Variants in RBM20 observed in about 807,000 individuals in gnomAD.
RBM20 encodes RNA binding motif protein 20.
A neutral mutation model predicts 110.1 loss-of-function variants in RBM20; 51 were observed. The ratio of observed to expected loss-of-function variants is 0.46; its 90% confidence interval spans 0.37 to 0.59. The LOEUF is 0.59. Ranked by LOEUF, RBM20 falls within the 20% of genes least tolerant of loss-of-function variation. The pLI, the probability that RBM20 is intolerant of heterozygous loss-of-function variation, is 0.00. For missense variants in RBM20, 1,512 were observed against 1,574.9 expected, an observed-to-expected ratio of 0.96 and a Z score of 0.68; for synonymous variants, 589 against 618.2, an observed-to-expected ratio of 0.95 and a Z score of 0.70.
chr10:110,797,525 G>C lies in RBM20; in HGVS notation c.1545G>C (p.Gly515=), dbSNP rs1208880928. 3 of 1,551,270 alleles carry C rather than the reference G, an allele frequency of 1.9e-6. No individual in the cohort carries two copies. The African/African-American group carries it at 4.1e-5, about 21-fold the overall frequency. The change falls in exon 6 of 14, where the codon GGG becomes GGC. Residue 515 remains glycine (G), a synonymous_variant. Coordinates refer to ENST00000369519, the MANE Select transcript of RBM20 (RefSeq NM_001134363.3). The part of the protein sequence containing the change: ...SVGTTFAQRK[G]AGRVVHICNL... ...CCCATTAGTTTGCACAGCGGAAAGGGGCTGGCCGTGTGGTGCACATCTGCA... is the reference window on the plus strand; with the variant it reads ...CCCATTAGTTTGCACAGCGGAAAGGCGCTGGCCGTGTGGTGCACATCTGCA...
chr10:110,829,232 A>G (rs1392414620), intron 12 of RBM20, among the ~76,000 whole-genome samples: 2 of 152,240 alleles, frequency 1.3e-5, no homozygotes, highest in Non-Finnish European at 2.9e-5. Context: ...CAACGCAGGA[A>G]GGAGGCAGAC....
At chr10:110,822,084 C>A in intron 11 of RBM20, 149 bp downstream of exon 11, 3 of 834,498 alleles carry the variant, frequency 3.6e-6, no homozygotes. Context: ...GCAACAAAGG[C>A]AAGCCTCTAA....
rs959568356 is a variant in RBM20, at chr10:110,687,286, G to C, written c.191+42641G>C. 6.2e-4 allele frequency among the ~76,000 whole-genome samples: 94 copies of C among 150,816 alleles called. 1 individual carries two copies. Among genetic ancestry groups the C allele is most frequent in the African/African-American group, 2.1e-3 (86 of 41,502 alleles). On this transcript the variant is annotated intron_variant, in intron 1 of 13. Transcript: ENST00000369519. The stretch of plus-strand genomic sequence containing the variant: ...ATCCTTAAAATGTCATAGCTAACTA[G>C]AGGGTTAACATTTTTTAAGTGCTGA...
chr10:110,687,546 G>A (rs960447732), intron 1 of RBM20, among the ~76,000 whole-genome samples: 3 of 152,262 alleles, frequency 2.0e-5, no homozygotes, highest in African/African-American at 7.2e-5. Flanking sequence ...ATTAACTCCA[G>A]TCTGATGGTA....
chr10:110,783,642 A>T (rs1380684040), intron 3 of RBM20, among the ~76,000 whole-genome samples: 2 of 152,236 alleles, frequency 1.3e-5, no homozygotes, highest in African/African-American at 4.8e-5. Flanking sequence ...GGTAAATGCT[A>T]GGCAGAAAAC....
At chr10:110,671,891 C>G (rs1234979227) in intron 1 of RBM20, among the ~76,000 whole-genome samples, 1 of 152,088 alleles carries the variant, frequency 6.6e-6, no homozygotes, top group Non-Finnish European at 1.5e-5. Context: ...TGTAGGAATT[C>G]TTTTTCAGCT....
At chr10:110,745,318 CCAGGCG>C (rs1485882604) in intron 1 of RBM20, among the ~76,000 whole-genome samples, 4 of 152,176 alleles carry the variant, frequency 2.6e-5, no homozygotes, top group African/African-American at 7.2e-5. Flanking sequence ...GGCTGCATTT[CCAGGCG>C]CCTGCTGGGT....
chr10:110,742,323 T>C (rs1355594241), intron 1 of RBM20, among the ~76,000 whole-genome samples: 2 of 152,230 alleles, frequency 1.3e-5, no homozygotes, highest in Non-Finnish European at 2.9e-5. Context: ...AGCCATTTCT[T>C]TCTTAGCTCC....
chr10:110,807,915 G>A (rs745622546), intron 7 of RBM20, among the ~76,000 whole-genome samples: 1 of 152,200 alleles, frequency 6.6e-6, no homozygotes, highest in Non-Finnish European at 1.5e-5. Context: ...CCACAGATTT[G>A]GGAGGGACCC....
intron 5 of RBM20, among the ~76,000 whole-genome samples, chr10:110,791,715 G>A (rs926541369): frequency 2.0e-5 from 3 of 152,188 alleles, no homozygotes; most frequent in African/African-American, 7.2e-5. Flanking sequence ...AAAATGCACA[G>A]CCCAGGCCCC....
intron 9 of RBM20, among the ~76,000 whole-genome samples, chr10:110,818,259 C>T (rs946645320): frequency 1.4e-5 from 2 of 146,560 alleles, no homozygotes; most frequent in African/African-American, 5.0e-5. Context: ...CCATTGCACT[C>T]CAGCCTGGGC....
At chr10:110,767,537 CGG>C (rs1430370908) in intron 1 of RBM20, among the ~76,000 whole-genome samples, 2 of 143,844 alleles carry the variant, frequency 1.4e-5, no homozygotes, top group Non-Finnish European at 3.0e-5. Context: ...TCAGACGGGG[CGG>C]CTGCCGGGCG....
chr10:110,772,715 A>T (rs1043907322), intron 1 of RBM20, among the ~76,000 whole-genome samples: 1 of 152,222 alleles, frequency 6.6e-6, no homozygotes, highest in Non-Finnish European at 1.5e-5. Context: ...GCAGCACATG[A>T]CTGTATATAT....
At chr10:110,780,750 GC>G in intron 1 of RBM20, 50 bp from the exon 2 acceptor site, 2 of 1,466,900 alleles carry the variant, frequency 1.4e-6, no homozygotes, top group Middle Eastern at 1.8e-4. Context: ...ACAGCCCCTT[GC>G]CCCCCTCATT....
Position 110,739,819 on chromosome 10 carries a change from G to T in RBM20, c.192-40982G>T, listed in dbSNP as rs377233760. 6.6e-6 allele frequency among the ~76,000 whole-genome samples: 1 copy of T among 152,174 alleles called. No individual in the cohort carries two copies. The highest frequency in any genetic ancestry group is 1.5e-5 in the Non-Finnish European group (1 of 68,026). On this transcript the variant is annotated intron_variant, in intron 1 of 13. Coordinates refer to ENST00000369519, the MANE Select transcript of RBM20 (RefSeq NM_001134363.3). This position sits in a 1 kb window ranked among gnomAD's most constrained non-coding sequence, Gnocchi z 4.1. ...GGCCTGAGTATTGGGTGATTGTTGC[G>T]GTCATGAAGGCATGAGGCTTCTGTG...
intron 1 of RBM20, among the ~76,000 whole-genome samples, chr10:110,659,461 A>G (rs985608774): frequency 6.6e-6 from 1 of 152,164 alleles, no homozygotes; most frequent in African/African-American, 2.4e-5. Flanking sequence ...TACTGAATAC[A>G]TGTGTCCTCA....
intron 9 of RBM20, among the ~76,000 whole-genome samples, chr10:110,818,451 C>T (rs1406324424): frequency 1.3e-5 from 2 of 148,248 alleles, no homozygotes; most frequent in African/African-American, 5.0e-5. Context: ...AGCCCGGGCC[C>T]TGTGGTGGCA....
chr10:110,744,747 A>C (rs1433355392), intron 1 of RBM20, among the ~76,000 whole-genome samples: 3 of 152,262 alleles, frequency 2.0e-5, no homozygotes. Flanking sequence ...AGAAATCTAA[A>C]GATATGTACA....
chr10:110,809,198 C>G lies in RBM20; in HGVS notation c.1801-1185C>G, dbSNP rs1476338968. On this transcript the variant is annotated intron_variant, in intron 7 of 13. Transcript: ENST00000369519. ...TACCATTGCATTCCAGCCTGAGTGA[C>G]AGAGCAAGACCCCGTTTCTTAAAAA... Among the ~76,000 whole-genome samples, 4 of 36,178 alleles carry G rather than the reference C, an allele frequency of 1.1e-4. No homozygotes were observed. The Admixed American group carries it at 1.4e-3, about 13-fold the overall frequency. The allele number at this position is 36,178 out of a possible 152,430, so 23.7% of individuals were successfully genotyped here.
Sources: allele counts gnomAD v4.1 joint callset (sites outside exome capture counted in the v4.1 genomes callset), GRCh38; gene constraint gnomAD v4.1.1; non-coding constraint Gnocchi (gnomAD v3.1); transcripts MANE v1.5; gene names NCBI Gene and HGNC (gene_info 2026-07-23, HGNC 2026-07-21).